RAPGEF6: variants seen among roughly 807,000 people sequenced by gnomAD.
RAPGEF6 encodes the protein Rap guanine nucleotide exchange factor 6, also known as PDZ domain containing guanine nucleotide exchange factor (GEF) 2.
Under a neutral mutation model 171.4 loss-of-function variants are expected in RAPGEF6, and 56 were observed. The ratio of observed to expected loss-of-function variants is 0.33; its 90% CI spans 0.26 to 0.41. RAPGEF6 has a LOEUF of 0.41. Ranked by LOEUF, RAPGEF6 falls within the 10% of genes least tolerant of loss-of-function variation. The pLI is 1.00. For missense variants in RAPGEF6, 1,674 were observed against 1,921.4 expected (o/e 0.87, Z 2.41); for synonymous variants, 692 against 650.1 (o/e 1.06, Z -0.98).
intron 6 of RAPGEF6, among the ~76,000 whole-genome samples, chr5:131,539,138 GC>G (rs1276120550): frequency 2.6e-5 from 4 of 152,154 alleles, no homozygotes; most frequent in Non-Finnish European, 4.4e-5. Flanking sequence ...AGTGTGATCA[GC>G]ATTCACTGTC....
chr5:131,521,607 A>T, intron 6 of RAPGEF6, 86 bp from the exon 7 acceptor site: 3 of 1,261,226 alleles, frequency 2.4e-6, no homozygotes, highest in Non-Finnish European at 3.2e-6. Flanking sequence ...ATTTTTATGT[A>T]CATTACTGTG....
chr5:131,524,597 G>A (rs1561534886), intron 6 of RAPGEF6, among the ~76,000 whole-genome samples: 1 of 106,656 alleles, frequency 9.4e-6, no homozygotes, highest in Non-Finnish European at 2.0e-5. Flanking sequence ...GAGGGAGGGG[G>A]GAGAGAGAGA....
chr5:131,586,106 T>C (rs1023021365), intron 4 of RAPGEF6, among the ~76,000 whole-genome samples: 3 of 152,210 alleles, frequency 2.0e-5, no homozygotes, highest in Non-Finnish European at 4.4e-5. Context: ...TCTCAGATTT[T>C]TGGGGTTCAC....
chr5:131,534,606 G>GGT (rs1554079838), intron 6 of RAPGEF6, among the ~76,000 whole-genome samples: 4 of 144,874 alleles, frequency 2.8e-5, no homozygotes, highest in Non-Finnish European at 6.0e-5. Flanking sequence ...GCACCAATGT[G>GGT]TTTTTTTTTT....
At chr5:131,500,214 A>T (rs1339007337) in intron 11 of RAPGEF6, among the ~76,000 whole-genome samples, 1 of 152,198 alleles carries the variant, frequency 6.6e-6, no homozygotes, top group African/African-American at 2.4e-5. Context: ...ATTAATTAAA[A>T]ATAAGGTACG....
chr5:131,501,313 G>A (rs575142435), intron 11 of RAPGEF6, among the ~76,000 whole-genome samples: 36 of 150,700 alleles, frequency 2.4e-4, no homozygotes, highest in Non-Finnish European at 3.1e-4. Context: ...TCCAGCCTGG[G>A]TGACAGAGTG....
intron 5 of RAPGEF6, among the ~76,000 whole-genome samples, chr5:131,557,583 T>G (rs1340069867): frequency 1.3e-5 from 2 of 152,162 alleles, no homozygotes; most frequent in African/African-American, 4.8e-5. Context: ...GCCAATAGTT[T>G]TGGTATGGTG....
Position 131,608,168 on chromosome 5 carries a change from C to T in RAPGEF6, c.70-3475G>A, listed in dbSNP as rs186456933. ...ATTCATTTACCTATTGGCTATGGCT[C>T]TTTTCATGCTATAAAAGCAGAGTTA... On this transcript the variant is annotated intron_variant, in intron 1 of 27. Transcript: ENST00000509018. 1.4e-4 allele frequency among the ~76,000 whole-genome samples: 21 copies of T among 152,284 alleles called. No individual in the cohort carries two copies. The East Asian group carries it at 2.7e-3, about 20-fold the overall frequency.
At position 131,437,127 on chromosome 5, in the gene RAPGEF6, G is replaced by A. The variant is rs1191567472; in HGVS notation, c.3745+2454C>T. ...TACAAAAATAGAAGGATCATACTTG[G>A]TTGGGGTTTTGATAGTACACATGCA... On this transcript the variant is annotated intron_variant, in intron 24 of 27. Coordinates refer to ENST00000509018, the MANE Select transcript of RAPGEF6 (RefSeq NM_016340.6). Among the ~76,000 whole-genome samples, 3 of 152,300 alleles carry A rather than the reference G, an allele frequency of 2.0e-5. No individual in the cohort carries two copies. In the East Asian group the frequency reaches 5.8e-4, roughly 29 times the overall value.
At chr5:131,566,056 AGGATCACTTGTGCCTG>A (rs1456065713) in intron 4 of RAPGEF6, among the ~76,000 whole-genome samples, 2 of 151,976 alleles carry the variant, frequency 1.3e-5, no homozygotes, top group Non-Finnish European at 2.9e-5. Flanking sequence ...TTGAGGCAGG[AGGATCACTTGTGCCTG>A]GGAGGTCCAG....
intron 15 of RAPGEF6, among the ~76,000 whole-genome samples, chr5:131,481,950 C>T (rs914059941): frequency 8.6e-5 from 13 of 151,818 alleles, no homozygotes; most frequent in Non-Finnish European, 1.5e-4. Flanking sequence ...TTTTGGAAAA[C>T]GACAGAAAAG....
intron 19 of RAPGEF6, among the ~76,000 whole-genome samples, chr5:131,457,825 G>A (rs1286231497): frequency 2.0e-5 from 3 of 151,944 alleles, no homozygotes; most frequent in East Asian, 1.9e-4. Context: ...TGAAGCACCA[G>A]CAGATGAAAA....
intron 16 of RAPGEF6, among the ~76,000 whole-genome samples, chr5:131,474,590 G>A (rs754127816): frequency 6.6e-6 from 1 of 152,066 alleles, no homozygotes; most frequent in Non-Finnish European, 1.5e-5. Flanking sequence ...GGGAGAGAAG[G>A]CAGTCTAATT....
chr5:131,466,470 T>C (rs999379481), intron 17 of RAPGEF6, among the ~76,000 whole-genome samples: 1 of 152,128 alleles, frequency 6.6e-6, no homozygotes. Context: ...CCCAACCAAA[T>C]CTCATCTTGA....
At chr5:131,579,182 G>GTCC (rs1480683561) in intron 4 of RAPGEF6, among the ~76,000 whole-genome samples, 1 of 152,176 alleles carries the variant, frequency 6.6e-6, no homozygotes, top group Non-Finnish European at 1.5e-5. Flanking sequence ...CCCGTCTGGA[G>GTCC]TTGTTCATTC....
chr5:131,564,595 A>G (rs893708186), intron 4 of RAPGEF6, among the ~76,000 whole-genome samples: 3 of 152,236 alleles, frequency 2.0e-5, no homozygotes, highest in African/African-American at 7.2e-5. Context: ...ATTCATGATG[A>G]CATCAATAAA....
intron 4 of RAPGEF6, among the ~76,000 whole-genome samples, chr5:131,581,700 G>C (rs143192766): frequency 1.3e-5 from 2 of 151,966 alleles, no homozygotes; most frequent in African/African-American, 4.8e-5. Flanking sequence ...AACATAAAAA[G>C]ACAGGAATGT....
At chr5:131,469,868 T>G in intron 17 of RAPGEF6, 1 of 1,415,098 alleles carries the variant, frequency 7.1e-7, no homozygotes, top group Non-Finnish European at 9.5e-7. Context: ...AAAACAAACT[T>G]ACAGTTCTGT....
rs570181739 is a variant in RAPGEF6 at position 131,524,201 on chromosome 5, G to A, written c.496-2680C>T. Among the ~76,000 whole-genome samples, 3 of 152,058 alleles carry A rather than the reference G, an allele frequency of 2.0e-5. No homozygotes were observed. In the East Asian group the frequency reaches 5.8e-4, roughly 29 times the overall value. On this transcript the variant is annotated intron_variant, in intron 6 of 27. Coordinates refer to ENST00000509018, the MANE Select transcript of RAPGEF6 (RefSeq NM_016340.6). ...GGAACAAGAAAGAAGAAAAACCAAG[G>A]AAAATGGGAAATGTGTGGGTAAATC...
Sources: allele counts gnomAD v4.1 joint callset (sites outside exome capture counted in the v4.1 genomes callset), GRCh38; gene constraint gnomAD v4.1.1; transcripts MANE v1.5; gene names NCBI Gene and HGNC (gene_info 2026-07-23, HGNC 2026-07-21).